FAM107B: variants seen among roughly 807,000 people sequenced by gnomAD.
FAM107B encodes protein FAM107B.
A neutral mutation model predicts 31.5 loss-of-function variants in FAM107B; 21 were observed. The observed-to-expected ratio is 0.67, with a 90% confidence interval of 0.47 to 0.96. The LOEUF is 0.96. FAM107B is among the 40% of genes least tolerant of loss of function. The pLI is 0.00. For synonymous variants in FAM107B, 157 were observed against 141.5 expected (o/e 1.11, Z -0.78); for missense variants, 452 against 377.1 (o/e 1.20, Z -1.64).
rs1845461895 is a variant in FAM107B at position 14,519,840 on chromosome 10, A to G, written c.*1350T>C. 6.6e-6 allele frequency: 1 copy of G among 152,466 alleles called. No individual in the cohort carries two copies. The highest frequency in any genetic ancestry group is 2.4e-5 in the African/African-American group (1 of 41,466). 9.4% of individuals were successfully genotyped at this position (152,466 alleles called of 1,614,324 possible). A position where few individuals can be genotyped will look rare whatever the true frequency, so the allele number is the denominator to read the frequency against. On this transcript the variant is annotated 3_prime_UTR_variant, in exon 5 of 5. Coordinates refer to ENST00000181796, the MANE Select transcript of FAM107B (RefSeq NM_031453.4). Reference sequence around the variant, plus strand: ...CTCTACGGAGCATACTAAATCCTCAACAATTCTTCGGTATCACCCAGGCAA... The same window carrying G: ...CTCTACGGAGCATACTAAATCCTCAGCAATTCTTCGGTATCACCCAGGCAA...
chr10:14,615,288 C>G (rs373358533), intron 2 of FAM107B, among the ~76,000 whole-genome samples: 8 of 152,052 alleles, frequency 5.3e-5, no homozygotes, highest in African/African-American at 1.9e-4. Context: ...GAGATCATGC[C>G]ACTGCACTCC....
chr10:14,673,436 G>T (rs1854607251), intron 1 of FAM107B, among the ~76,000 whole-genome samples: 1 of 152,022 alleles, frequency 6.6e-6, no homozygotes, highest in African/African-American at 2.4e-5. Context: ...TGTCCTCCAG[G>T]CTCATCTATG....
intron 2 of FAM107B, among the ~76,000 whole-genome samples, chr10:14,658,888 A>G (rs141666501): frequency 5.3e-5 from 8 of 152,356 alleles, no homozygotes; most frequent in East Asian, 1.9e-4. Flanking sequence ...ACAGACAAAA[A>G]GCAAGTGAAT....
chr10:14,523,346 A>T (rs1211791781), intron 3 of FAM107B, among the ~76,000 whole-genome samples: 1 of 152,282 alleles, frequency 6.6e-6, no homozygotes, highest in Admixed American at 6.5e-5. Context: ...ACCACCGAAC[A>T]GGAAAAGCGC....
chr10:14,554,511 T>A (rs1390059690), intron 2 of FAM107B, among the ~76,000 whole-genome samples: 1 of 152,156 alleles, frequency 6.6e-6, no homozygotes, highest in African/African-American at 2.4e-5. Flanking sequence ...AGGAGAGGGA[T>A]GAAGGCTGGT....
chr10:14,574,387 G>C (rs1851400500), intron 2 of FAM107B, among the ~76,000 whole-genome samples: 2 of 152,320 alleles, frequency 1.3e-5, no homozygotes, highest in South Asian at 4.1e-4. Context: ...ATCTTCAGTA[G>C]GACATTTTGC....
chr10:14,556,839 A>G (rs555112307), intron 2 of FAM107B, among the ~76,000 whole-genome samples: 4 of 152,208 alleles, frequency 2.6e-5, no homozygotes, highest in Admixed American at 6.5e-5. Context: ...TAGCTTCTCC[A>G]ATGCCCTGGC....
chr10:14,580,167 G>C (rs199526931), intron 2 of FAM107B, among the ~76,000 whole-genome samples: 1 of 152,106 alleles, frequency 6.6e-6, no homozygotes, highest in East Asian at 1.9e-4. Context: ...AGACCATCCT[G>C]GCTAATATGG....
intron 2 of FAM107B, among the ~76,000 whole-genome samples, chr10:14,619,252 G>A (rs143755208): frequency 5.7e-4 from 87 of 152,230 alleles, no homozygotes; most frequent in African/African-American, 1.9e-3. Context: ...ACGGTCAGTC[G>A]GTGTACATTT....
chr10:14,556,340 CAGA>C (rs1849698215), intron 2 of FAM107B: 2 of 985,262 alleles, frequency 2.0e-6, no homozygotes, highest in East Asian at 1.1e-4. Context: ...CCCAAATGCA[CAGA>C]AGATCTAGAA....
intron 2 of FAM107B, among the ~76,000 whole-genome samples, chr10:14,635,667 T>C (rs1853480287): frequency 6.6e-6 from 1 of 152,192 alleles, no homozygotes; most frequent in African/African-American, 2.4e-5. Flanking sequence ...AGTCTCGTTC[T>C]GTCACCCAGG....
chr10:14,625,261 T>TGC (rs1487719144), intron 2 of FAM107B, among the ~76,000 whole-genome samples: 3 of 49,740 alleles, frequency 6.0e-5, no homozygotes, highest in African/African-American at 1.5e-4. Context: ...TGTGCGTGCG[T>TGC]GTGTGTGTGT....
chr10:14,732,241 G>A (rs966564310), intron 1 of FAM107B, among the ~76,000 whole-genome samples: 3 of 152,108 alleles, frequency 2.0e-5, no homozygotes, highest in African/African-American at 4.8e-5. Flanking sequence ...AGCAAGTATC[G>A]ACTAATTCCA....
chr10:14,738,276 T>G (rs1007618872), intron 1 of FAM107B, among the ~76,000 whole-genome samples: 1 of 152,152 alleles, frequency 6.6e-6, no homozygotes, highest in African/African-American at 2.4e-5. Context: ...GCTCTCAGAA[T>G]AGCAAATCTG....
At chr10:14,720,266 T>C (rs1855880691) in intron 1 of FAM107B, among the ~76,000 whole-genome samples, 1 of 152,148 alleles carries the variant, frequency 6.6e-6, no homozygotes. Flanking sequence ...ATTTTTTTTT[T>C]CCTTTGAGAA....
chr10:14,586,902 TGGA>T (rs888077804), intron 2 of FAM107B, among the ~76,000 whole-genome samples: 5 of 152,176 alleles, frequency 3.3e-5, no homozygotes, highest in Non-Finnish European at 7.3e-5. Flanking sequence ...ACATTTCAGG[TGGA>T]GAAGGCCCAA....
chr10:14,682,825 G>A (rs1854870793), intron 1 of FAM107B, among the ~76,000 whole-genome samples: 1 of 151,808 alleles, frequency 6.6e-6, no homozygotes, highest in Non-Finnish European at 1.5e-5. Context: ...AACCACTATG[G>A]CACATGTATA....
intron 2 of FAM107B, among the ~76,000 whole-genome samples, chr10:14,562,546 T>C (rs1333123957): frequency 6.6e-6 from 1 of 152,220 alleles, no homozygotes; most frequent in Non-Finnish European, 1.5e-5. Context: ...AATACAAACA[T>C]GATGAAATCT....
At chr10:14,610,139 T>A (rs1223503491) in intron 2 of FAM107B, among the ~76,000 whole-genome samples, 1 of 152,068 alleles carries the variant, frequency 6.6e-6, no homozygotes, top group African/African-American at 2.4e-5. Flanking sequence ...GTCAGGAGAT[T>A]GAGATCATCC....
Sources: allele counts gnomAD v4.1 joint callset (sites outside exome capture counted in the v4.1 genomes callset), GRCh38; gene constraint gnomAD v4.1.1; transcripts MANE v1.5; gene names NCBI Gene and HGNC (gene_info 2026-07-23, HGNC 2026-07-21).